TBC1D10A: variants seen among roughly 807,000 people sequenced by gnomAD.
The protein encoded by TBC1D10A is TBC1 domain family member 10A.
TBC1D10A carries 24 observed loss-of-function variants against 52.9 expected under a neutral mutation model. The observed-to-expected ratio is 0.45, with a 90% CI of 0.33 to 0.64. The LOEUF (loss-of-function observed/expected upper bound fraction) is 0.64. Ranked by LOEUF, TBC1D10A falls within the 30% of genes least tolerant of loss-of-function variation. The pLI is 0.02. For missense variants in TBC1D10A, 602 were observed against 687.9 expected (o/e 0.88, Z 1.40); for synonymous variants, 278 against 282.9 (o/e 0.98, Z 0.17).
chr22:30,326,585 G>A, intron 1 of TBC1D10A, 88 bp downstream of exon 1: 1 of 1,286,918 alleles, frequency 7.8e-7, no homozygotes, highest in Non-Finnish European at 1.0e-6. Flanking sequence ...GGAGGGGGAC[G>A]TGTCGGCAAG....
At chr22:30,303,602 CCTGA>C (rs1456823874) in intron 2 of TBC1D10A, among the ~76,000 whole-genome samples, 4 of 152,238 alleles carry the variant, frequency 2.6e-5, no homozygotes, top group African/African-American at 9.6e-5. Context: ...AGTCTATATG[CCTGA>C]CTGTCAGTCC....
intron 3 of TBC1D10A, 131 bp downstream of exon 3, chr22:30,299,313 T>G (rs1930150934): frequency 5.6e-6 from 5 of 895,700 alleles, no homozygotes; most frequent in African/African-American, 1.6e-5. Context: ...CCTGGGCAGT[T>G]GGGCACATGA....
intron 1 of TBC1D10A, among the ~76,000 whole-genome samples, chr22:30,309,731 C>T (rs1930388105): frequency 6.6e-6 from 1 of 152,244 alleles, no homozygotes; most frequent in South Asian, 2.1e-4. Flanking sequence ...TCTCCCAAAA[C>T]CCAGAGGCTT....
intron 2 of TBC1D10A, among the ~76,000 whole-genome samples, chr22:30,302,089 G>A (rs544796088): frequency 4.4e-4 from 67 of 152,266 alleles, no homozygotes; most frequent in South Asian, 1.5e-3. Flanking sequence ...AACACTTCGC[G>A]GGCAGCAAAG....
rs543791449 is a variant in TBC1D10A, at chr22:30,326,845, G to C, written c.37C>G (p.Pro13Ala). The change falls in exon 1 of 9, where the codon CCC becomes GCC. Residue 13 changes from proline (P) to alanine (A), a missense_variant. Pro to Ala is a conservative substitution (Grantham distance 27, BLOSUM62 -1). Around this residue, in one of 3 missense-constraint regions of TBC1D10A, gnomAD observed 201 missense variants for 204.4 expected, o/e 0.98. Coordinates refer to ENST00000215790, the MANE Select transcript of TBC1D10A (RefSeq NM_031937.3). ...KSNGENGPRAPAAGESLSGTR... is the reference protein window; with the variant it reads ...KSNGENGPRAAAAGESLSGTR... ...CCCGACAGGCTTTCCCCGGCCGCGG[G>C]CGCGCGCGGCCCATTCTCTCCGTTG... The C allele has an allele frequency of 6.8e-6, 10 of 1,474,178 alleles. No homozygotes were observed. The highest frequency in any genetic ancestry group is 8.9e-6 in the Non-Finnish European group (10 of 1,121,222). 91.3% of individuals were successfully genotyped at this position (1,474,178 alleles called of 1,614,324 possible).
At chr22:30,310,573 G>A (rs997931770) in intron 1 of TBC1D10A, among the ~76,000 whole-genome samples, 1 of 152,180 alleles carries the variant, frequency 6.6e-6, no homozygotes, top group Non-Finnish European at 1.5e-5. Flanking sequence ...TGTAACCCAG[G>A]AGGAATGCCA....
At chr22:30,295,939 A>C in intron 3 of TBC1D10A, 96 bp from the exon 4 acceptor site, 1 of 1,124,696 alleles carries the variant, frequency 8.9e-7, no homozygotes, top group Non-Finnish European at 1.3e-6. Flanking sequence ...GGGGCCCTCC[A>C]CCAGGGGCAG....
intron 1 of TBC1D10A, among the ~76,000 whole-genome samples, chr22:30,309,441 G>T (rs1930382758): frequency 6.6e-6 from 1 of 152,118 alleles, no homozygotes; most frequent in Non-Finnish European, 1.5e-5. Flanking sequence ...GGCCAGGATG[G>T]TCTCAATCTC....
intron 1 of TBC1D10A, among the ~76,000 whole-genome samples, chr22:30,322,088 T>C (rs572715226): frequency 6.6e-6 from 1 of 150,944 alleles, no homozygotes; most frequent in South Asian, 2.1e-4. Context: ...CAAGCGATTC[T>C]CCTGTCTCAG....
intron 2 of TBC1D10A, 24 bp downstream of exon 2, chr22:30,304,507 A>G (rs1338861843): frequency 1.2e-6 from 2 of 1,613,798 alleles, no homozygotes; most frequent in Non-Finnish European, 1.7e-6. Flanking sequence ...CTCCCAGCCC[A>G]ATACCTGAGG....
At chr22:30,324,373 A>C (rs983422535) in intron 1 of TBC1D10A, among the ~76,000 whole-genome samples, 2 of 152,200 alleles carry the variant, frequency 1.3e-5, no homozygotes, top group Admixed American at 1.3e-4. Flanking sequence ...CGAAGCTTTC[A>C]GATACCAGAG....
intron 1 of TBC1D10A, among the ~76,000 whole-genome samples, chr22:30,320,866 G>A (rs979347542): frequency 2.0e-5 from 3 of 152,258 alleles, no homozygotes; most frequent in African/African-American, 4.8e-5. Context: ...GCTCAGAGAA[G>A]TGAAGCAACA....
At chr22:30,294,718 G>A (rs1930034297) in intron 6 of TBC1D10A, 78 bp downstream of exon 6, 2 of 1,594,544 alleles carry the variant, frequency 1.3e-6, no homozygotes, top group Non-Finnish European at 1.7e-6. Flanking sequence ...CTGGGCAGGA[G>A]TTACTATGAG....
At chr22:30,304,935 C>T (rs2240422) in intron 1 of TBC1D10A, among the ~76,000 whole-genome samples, 48,061 of 152,152 alleles carry the variant, frequency 0.32, 7,847 homozygotes, top group East Asian at 0.42. Context: ...ATCTGTGCAG[C>T]AAAGCAAAGC....
At chr22:30,303,464 T>C (rs1401200085) in intron 2 of TBC1D10A, among the ~76,000 whole-genome samples, 1 of 152,226 alleles carries the variant, frequency 6.6e-6, no homozygotes, top group Non-Finnish European at 1.5e-5. Context: ...CACCACTTCG[T>C]GGGGAGCAAC....
At chr22:30,315,269 T>TA (rs1461221232) in intron 1 of TBC1D10A, among the ~76,000 whole-genome samples, 1 of 152,122 alleles carries the variant, frequency 6.6e-6, no homozygotes, top group East Asian at 1.9e-4. Flanking sequence ...ATGTCTGAGG[T>TA]AAAATCTCAG....
intron 2 of TBC1D10A, chr22:30,299,795 C>T (rs567304740): frequency 1.8e-5 from 6 of 334,956 alleles, no homozygotes; most frequent in South Asian, 6.4e-5. Context: ...GGTGAAACCC[C>T]GTGTCTACTA....
intron 2 of TBC1D10A, among the ~76,000 whole-genome samples, chr22:30,302,492 C>T (rs1338766319): frequency 6.6e-6 from 1 of 152,236 alleles, no homozygotes; most frequent in African/African-American, 2.4e-5. Flanking sequence ...TCTGAGCCCA[C>T]TTCCTGAAAC....
chr22:30,309,076 T>C (rs1353179597), intron 1 of TBC1D10A, among the ~76,000 whole-genome samples: 1 of 152,196 alleles, frequency 6.6e-6, no homozygotes, highest in African/African-American at 2.4e-5. Context: ...GCTCCATCTC[T>C]GGCGCCCAAG....
Sources: allele counts gnomAD v4.1 joint callset (sites outside exome capture counted in the v4.1 genomes callset), GRCh38; gene constraint gnomAD v4.1.1; regional missense constraint gnomAD v4.1.1; transcripts MANE v1.5; gene names NCBI Gene and HGNC (gene_info 2026-07-23, HGNC 2026-07-21).